The following FAM107B variants were observed in gnomAD, a reference collection of about 807,000 sequenced individuals.
FAM107B encodes the protein protein FAM107B.
In FAM107B, 21 loss-of-function variants were observed where a neutral mutation model predicts 31.5. That is an observed-to-expected ratio of 0.67 (90% confidence interval 0.47 to 0.96). FAM107B has a LOEUF of 0.96. Among genes scored for constraint, FAM107B ranks in the 40% least tolerant of loss-of-function variants. FAM107B has a pLI of 0.00. For missense variants in FAM107B, 452 were observed against 377.1 expected (o/e 1.20, Z -1.64); for synonymous variants, 157 against 141.5 (o/e 1.11, Z -0.78).
intron 1 of FAM107B, among the ~76,000 whole-genome samples, chr10:14,732,430 G>T (rs910050884): frequency 3.3e-5 from 5 of 152,170 alleles, no homozygotes; most frequent in African/African-American, 1.2e-4. Context: ...CCATTTACTA[G>T]AAGCCATTTC....
At chr10:14,580,175 T>C (rs1851589358) in intron 2 of FAM107B, among the ~76,000 whole-genome samples, 1 of 151,982 alleles carries the variant, frequency 6.6e-6, no homozygotes, top group African/African-American at 2.4e-5. Context: ...CTGGCTAATA[T>C]GGTGAAACCC....
intron 2 of FAM107B, among the ~76,000 whole-genome samples, chr10:14,613,069 T>G (rs1852763799): frequency 6.6e-6 from 1 of 152,054 alleles, no homozygotes; most frequent in African/African-American, 2.4e-5. Flanking sequence ...CCTCCCAGGT[T>G]CAAGCAATTC....
rs371694087 is a variant in FAM107B, at chr10:14,774,203, G to C, written c.411+50C>G. 1.0e-5 allele frequency: 16 copies of C among 1,550,718 alleles called. No homozygotes were observed. The Admixed American group carries it at 2.5e-4, about 24-fold the overall frequency. On this transcript the variant is annotated intron_variant, in intron 1 of 4. Coordinates refer to ENST00000181796, the MANE Select transcript of FAM107B (RefSeq NM_031453.4). Reference sequence around the variant, plus strand: ...GAAACATTCGCCACATGATCCCAACGCTCCTCCAGCTCCATCCCGTCTATA... The same window carrying C: ...GAAACATTCGCCACATGATCCCAACCCTCCTCCAGCTCCATCCCGTCTATA...
intron 2 of FAM107B, among the ~76,000 whole-genome samples, chr10:14,554,957 G>A (rs1849571789): frequency 6.6e-6 from 1 of 152,188 alleles, no homozygotes; most frequent in Non-Finnish European, 1.5e-5. Flanking sequence ...GAACAATTGT[G>A]AGTATGCAAG....
chr10:14,689,408 C>G (rs959969126), intron 1 of FAM107B, among the ~76,000 whole-genome samples: 1 of 148,976 alleles, frequency 6.7e-6, no homozygotes, highest in Non-Finnish European at 1.5e-5. Flanking sequence ...TAAAAATTTT[C>G]TTTTAAAAAA....
chr10:14,586,545 G>C (rs1851845855), intron 2 of FAM107B, among the ~76,000 whole-genome samples: 1 of 152,226 alleles, frequency 6.6e-6, no homozygotes, highest in African/African-American at 2.4e-5. Context: ...AGTGCCCTTA[G>C]AAAAAGAGAC....
chr10:14,663,754 G>C (rs540885306), intron 2 of FAM107B, among the ~76,000 whole-genome samples: 2 of 152,198 alleles, frequency 1.3e-5, no homozygotes, highest in East Asian at 3.9e-4. Context: ...GCAGAAGACA[G>C]TAACAATGGT....
intron 2 of FAM107B, among the ~76,000 whole-genome samples, chr10:14,595,830 T>C (rs1318210519): frequency 6.6e-6 from 1 of 152,122 alleles, no homozygotes; most frequent in Non-Finnish European, 1.5e-5. Flanking sequence ...CACAATGCCT[T>C]TCTCTCTTGT....
Position 14,591,035 on chromosome 10 carries a change from C to A in FAM107B, c.470-60520G>T, listed in dbSNP as rs114534931. Among the ~76,000 whole-genome samples the A allele has an allele frequency of 8.8e-3, 1,310 of 148,144 alleles. 27 individuals are homozygous for A. The highest frequency in any genetic ancestry group is 0.031 in the African/African-American group (1,255 of 40,446). ...AAGATCCATTTCTTCCGTATGTTTGCAGAAGAAAACACAAAACTATTTCAG... is the reference window on the plus strand; with the variant it reads ...AAGATCCATTTCTTCCGTATGTTTGAAGAAGAAAACACAAAACTATTTCAG... On this transcript the variant is annotated intron_variant, in intron 2 of 4. Transcript: ENST00000181796.
intron 3 of FAM107B, among the ~76,000 whole-genome samples, chr10:14,524,288 C>G (rs1454296458): frequency 1.3e-5 from 2 of 152,176 alleles, no homozygotes; most frequent in Non-Finnish European, 2.9e-5. Flanking sequence ...AGCCGTCTAC[C>G]TGCCTTGGCC....
In FAM107B at chr10:14,680,062, T is replaced by G. The variant is rs143665527; in HGVS notation, c.412-12371A>C. On this transcript the variant is annotated intron_variant, in intron 1 of 4. Transcript: ENST00000181796. Reference sequence around the variant, plus strand: ...AAACTCCCCTTTATATGTTCAGCAATCCTATTAGTTCTGTCCCTCTAGAGA... The same window carrying G: ...AAACTCCCCTTTATATGTTCAGCAAGCCTATTAGTTCTGTCCCTCTAGAGA... 6.2e-3 allele frequency among the ~76,000 whole-genome samples: 949 copies of G among 152,264 alleles called. 8 individuals are homozygous for G. Among genetic ancestry groups the G allele is most frequent in the African/African-American group, 0.021 (855 of 41,550 alleles).
chr10:14,679,220 G>A (rs1854767145), intron 1 of FAM107B, among the ~76,000 whole-genome samples: 1 of 151,960 alleles, frequency 6.6e-6, no homozygotes, highest in South Asian at 2.1e-4. Flanking sequence ...GCCTTGACCT[G>A]CTGGGCTCAA....
chr10:14,596,284 C>A (rs1021889821), intron 2 of FAM107B, among the ~76,000 whole-genome samples: 2 of 152,192 alleles, frequency 1.3e-5, no homozygotes, highest in Non-Finnish European at 2.9e-5. Context: ...ACTTAGTTGT[C>A]TTTACAGCAC....
intron 2 of FAM107B, among the ~76,000 whole-genome samples, chr10:14,605,718 T>C (rs1364186089): frequency 6.6e-6 from 1 of 152,202 alleles, no homozygotes; most frequent in Non-Finnish European, 1.5e-5. Flanking sequence ...CCATGAACTT[T>C]ATACATGGTG....
intron 1 of FAM107B, among the ~76,000 whole-genome samples, chr10:14,690,351 C>A (rs1050587216): frequency 1.3e-5 from 2 of 152,240 alleles, no homozygotes; most frequent in Admixed American, 6.5e-5. Flanking sequence ...CTCCCCTCAT[C>A]CTTCTGGGTG....
At chr10:14,646,085 T>C (rs1853745202) in intron 2 of FAM107B, among the ~76,000 whole-genome samples, 1 of 152,216 alleles carries the variant, frequency 6.6e-6, no homozygotes, top group African/African-American at 2.4e-5. Flanking sequence ...TGATAGGTGA[T>C]TAAACAGATT....
rs148815459 is a variant in FAM107B at position 14,761,947 on chromosome 10, C to G, written c.411+12306G>C. ...GAGTTTGAGATCGCTGTGAGGCCAC[C>G]TAGAGACTTCCCAGGGGTAGTTAGG... On this transcript the variant is annotated intron_variant, in intron 1 of 4. Transcript: ENST00000181796. 7.7e-3 allele frequency among the ~76,000 whole-genome samples: 1,174 copies of G among 152,198 alleles called. 16 individuals carry two copies. The highest frequency in any genetic ancestry group is 0.027 in the African/African-American group (1,116 of 41,524).
intron 1 of FAM107B, among the ~76,000 whole-genome samples, chr10:14,690,549 G>A (rs1033876161): frequency 1.1e-4 from 16 of 152,074 alleles, no homozygotes; most frequent in African/African-American, 3.9e-4. Context: ...TACCTCCCAG[G>A]TTCAAGTGAT....
intron 1 of FAM107B, among the ~76,000 whole-genome samples, chr10:14,754,837 T>G (rs1832897556): frequency 6.6e-6 from 1 of 152,212 alleles, no homozygotes; most frequent in Non-Finnish European, 1.5e-5. Flanking sequence ...TAATTTTATT[T>G]TCCTTATTGC....
Sources: allele counts gnomAD v4.1 joint callset (sites outside exome capture counted in the v4.1 genomes callset), GRCh38; gene constraint gnomAD v4.1.1; transcripts MANE v1.5; gene names NCBI Gene and HGNC (gene_info 2026-07-23, HGNC 2026-07-21).